PIK3AP1: variants seen among roughly 807,000 people sequenced by gnomAD.
The protein encoded by PIK3AP1 is phosphoinositide-3-kinase adaptor protein 1.
A neutral mutation model predicts 88.1 loss-of-function variants in PIK3AP1; 21 were observed. The ratio of observed to expected loss-of-function variants is 0.24; its 90% CI spans 0.17 to 0.34. The LOEUF (loss-of-function observed/expected upper bound fraction) is 0.34. PIK3AP1 is among the 10% of genes least tolerant of loss of function. The pLI is 1.00. For synonymous variants in PIK3AP1, 398 were observed against 400.0 expected (o/e 1.00, Z 0.06); for missense variants, 828 against 1,035.7 (o/e 0.80, Z 2.75).
chr10:96,694,455 G>A (rs1191239217), intron 2 of PIK3AP1, among the ~76,000 whole-genome samples: 1 of 151,750 alleles, frequency 6.6e-6, no homozygotes, highest in Non-Finnish European at 1.5e-5. Context: ...GATTAGTCCA[G>A]ATGATCCCAA....
At chr10:96,628,569 G>A (rs371595089) in intron 8 of PIK3AP1, 76 bp from the exon 9 acceptor site, 7 of 1,210,130 alleles carry the variant, frequency 5.8e-6, no homozygotes, top group Middle Eastern at 3.9e-4. Flanking sequence ...ATGGAACTAT[G>A]AGGTTTGGCA....
chr10:96,608,814 G>C (rs1419560254), intron 14 of PIK3AP1, among the ~76,000 whole-genome samples: 3 of 152,204 alleles, frequency 2.0e-5, no homozygotes, highest in Non-Finnish European at 2.9e-5. Context: ...ATGCGTTATG[G>C]GGTTCTCTGC....
At chr10:96,643,375 C>T (rs1275943500) in intron 8 of PIK3AP1, among the ~76,000 whole-genome samples, 1 of 152,214 alleles carries the variant, frequency 6.6e-6, no homozygotes, top group Non-Finnish European at 1.5e-5. Context: ...TGTTCAGCCC[C>T]TCTGTGCCTC....
rs577040901 is a variant in PIK3AP1 at position 96,690,641 on chromosome 10, G to A, written c.430+18926C>T. On this transcript the variant is annotated intron_variant, in intron 2 of 16. Transcript: ENST00000339364. ...TGTCCAGATCGCTCATCTTTGTGTC[G>A]CATGATAAGAACAGCAATCTCCTTT... Among the ~76,000 whole-genome samples, 18 of 152,188 alleles carry A rather than the reference G, an allele frequency of 1.2e-4. No individual in the cohort carries two copies. The South Asian group carries it at 3.7e-3, about 32-fold the overall frequency.
intron 8 of PIK3AP1, among the ~76,000 whole-genome samples, chr10:96,640,536 T>C (rs1385506042): frequency 6.6e-6 from 1 of 152,244 alleles, no homozygotes; most frequent in Non-Finnish European, 1.5e-5. Context: ...GAGGAGATAG[T>C]GAAAACACCC....
At position 96,634,915 on chromosome 10, in the gene PIK3AP1, C is replaced by T. The variant is rs940186171; in HGVS notation, c.1376-6422G>A. On this transcript the variant is annotated intron_variant, in intron 8 of 16. Transcript: ENST00000339364. ...CTTTCCAGACTCTAGAGGCCACCTG[C>T]ACTCCTTAGCACTAGGCCGTCTTCT... is the stretch of plus-strand genomic sequence containing the variant. Among the ~76,000 whole-genome samples the T allele has an allele frequency of 9.9e-5, 15 of 152,284 alleles. No individual in the cohort carries two copies. In the South Asian group the frequency reaches 1.0e-3, roughly 11 times the overall value.
chr10:96,635,328 C>T (rs535716579), intron 8 of PIK3AP1, among the ~76,000 whole-genome samples: 1 of 152,306 alleles, frequency 6.6e-6, no homozygotes, highest in East Asian at 1.9e-4. Context: ...TGTTTACACA[C>T]AAACTGGGTA....
intron 7 of PIK3AP1, among the ~76,000 whole-genome samples, chr10:96,646,335 C>G (rs1273439622): frequency 6.6e-6 from 1 of 152,040 alleles, no homozygotes; most frequent in Non-Finnish European, 1.5e-5. Flanking sequence ...TATACCCTAT[C>G]TCCTGTAATC....
chr10:96,593,530 G>T lies in PIK3AP1; in HGVS notation c.*2047C>A, dbSNP rs539832889. 11 of 152,318 alleles carry T rather than the reference G, an allele frequency of 7.2e-5. No homozygotes were observed. The highest frequency in any genetic ancestry group is 2.6e-4 in the African/African-American group (11 of 41,570). The allele number at this position is 152,318 out of a possible 1,614,324, so 9.4% of individuals were successfully genotyped here. On this transcript the variant is annotated 3_prime_UTR_variant, in exon 17 of 17. Transcript: ENST00000339364. ...ATCCAAAAGGGGGCTTACAGTTATTGAATATTTTTCCCAGCCCTATTTTAA... is the reference window on the plus strand; with the variant it reads ...ATCCAAAAGGGGGCTTACAGTTATTTAATATTTTTCCCAGCCCTATTTTAA...
Position 96,595,399 on chromosome 10 carries a change from C to T in PIK3AP1, c.*178G>A, listed in dbSNP as rs534834321. 7.4e-5 allele frequency: 47 copies of T among 636,174 alleles called. No individual in the cohort carries two copies. In the African/African-American group the frequency reaches 8.5e-4, roughly 11 times the overall value. 39.4% of individuals were successfully genotyped at this position (636,174 alleles called of 1,614,324 possible). On this transcript the variant is annotated 3_prime_UTR_variant, in exon 17 of 17. Coordinates refer to ENST00000339364, the MANE Select transcript of PIK3AP1 (RefSeq NM_152309.3). ...TGAAGCCCTTAGTTTTTCACTTCTT[C>T]GTGCCTTAATAAAATCTTCGAGGCA...
intron 1 of PIK3AP1, among the ~76,000 whole-genome samples, chr10:96,716,665 T>C (rs557927919): frequency 5.9e-5 from 9 of 152,378 alleles, no homozygotes; most frequent in African/African-American, 2.2e-4. Context: ...AACTCCTTTC[T>C]TCAGCAATAA....
rs760573991 is a variant in PIK3AP1 at position 96,651,321 on chromosome 10, C to T, written c.915G>A (p.Leu305=). Residue 305 remains leucine, a synonymous_variant, in exon 6 of 17, where the codon CTG becomes CTA. Coordinates refer to ENST00000339364, the MANE Select transcript of PIK3AP1 (RefSeq NM_152309.3). Reference sequence around the variant, plus strand: ...GTCCGCTTGCAGGGATATTGTTCTTCAGGGATTCGGTTAGCAGTTTATCAA... The same window carrying T: ...GTCCGCTTGCAGGGATATTGTTCTTTAGGGATTCGGTTAGCAGTTTATCAA... ...ETLDKLLTES[L]KNNIPASGLH... 3 of 1,614,010 alleles carry T rather than the reference C, an allele frequency of 1.9e-6. No individual in the cohort carries two copies. The African/African-American group carries it at 4.0e-5, about 22-fold the overall frequency.
At chr10:96,716,186 C>G (rs1172481) in intron 1 of PIK3AP1, among the ~76,000 whole-genome samples, 92,167 of 151,888 alleles carry the variant, frequency 0.61, 30,121 homozygotes, top group African/African-American at 0.87. Flanking sequence ...GGAGGCTGAG[C>G]CATGAGAATT....
At chr10:96,654,928 C>T (rs1474815764) in intron 3 of PIK3AP1, among the ~76,000 whole-genome samples, 5 of 152,200 alleles carry the variant, frequency 3.3e-5, no homozygotes, top group African/African-American at 9.6e-5. Flanking sequence ...TGTGGGGACC[C>T]GCCAACTGGG....
intron 2 of PIK3AP1, among the ~76,000 whole-genome samples, chr10:96,674,887 GTGTTT>G (rs1406001854): frequency 6.6e-6 from 1 of 152,210 alleles, no homozygotes; most frequent in South Asian, 2.1e-4. Context: ...AACATACAAG[GTGTTT>G]TGTTTTGTTT....
chr10:96,620,692 G>A lies in PIK3AP1; in HGVS notation c.1736-135C>T, dbSNP rs547600529. On this transcript the variant is annotated intron_variant, in intron 11 of 16. Transcript: ENST00000339364. Reference sequence around the variant, plus strand: ...GAACAATTACATGTGGCCAAGAAGGGGGAGATACAACATAAAATCAGGGGA... The same window carrying A: ...GAACAATTACATGTGGCCAAGAAGGAGGAGATACAACATAAAATCAGGGGA... 2.2e-5 allele frequency: 15 copies of A among 695,588 alleles called. No individual in the cohort carries two copies. In the East Asian group the frequency reaches 4.1e-4, roughly 19 times the overall value. The allele number at this position is 695,588 out of a possible 1,614,324, so 43.1% of individuals were successfully genotyped here.
At chr10:96,602,157 A>G in intron 16 of PIK3AP1, 123 bp downstream of exon 16, 1 of 789,464 alleles carries the variant, frequency 1.3e-6, no homozygotes, top group Non-Finnish European at 2.0e-6. Flanking sequence ...TGCTGGGATT[A>G]CAGGCATGAG....
chr10:96,602,303 C>A lies in PIK3AP1; in HGVS notation c.2337G>T (p.Val779=), dbSNP rs145459703. 6.2e-7 allele frequency: 1 copy of A among 1,605,230 alleles called. No individual in the cohort carries two copies. Among genetic ancestry groups the A allele is most frequent in the African/African-American group, 1.3e-5 (1 of 74,326 alleles). Residue 779 remains valine (V), a synonymous_variant, in exon 16 of 17, where the codon GTG becomes GTT. Coordinates refer to ENST00000339364, the MANE Select transcript of PIK3AP1 (RefSeq NM_152309.3). The stretch of plus-strand genomic sequence containing the variant: ...ACCTCTGTGAGGCAGCTCTCGGAGG[C>A]ACCCTGGGGGGTCTCTCGAGGGACA... The part of the protein sequence containing the change: ...PTMSLERPPR[V]PPRAASQRPP...
chr10:96,636,350 G>A (rs1337128307), intron 8 of PIK3AP1, among the ~76,000 whole-genome samples: 2 of 152,200 alleles, frequency 1.3e-5, no homozygotes, highest in Non-Finnish European at 2.9e-5. Flanking sequence ...TAGGCACTAA[G>A]TCCTGGTAGT....
Sources: allele counts gnomAD v4.1 joint callset (sites outside exome capture counted in the v4.1 genomes callset), GRCh38; gene constraint gnomAD v4.1.1; transcripts MANE v1.5; gene names NCBI Gene and HGNC (gene_info 2026-07-23, HGNC 2026-07-21).